Variants in GALNTL5 observed in about 807,000 individuals in gnomAD.
The protein encoded by GALNTL5 is polypeptide N-acetylgalactosaminyltransferase like 5.
A neutral mutation model predicts 51.0 loss-of-function variants in GALNTL5; 44 were observed. That is an observed-to-expected ratio of 0.86 (90% CI 0.68 to 1.11). The LOEUF (loss-of-function observed/expected upper bound fraction) is 1.11. Ranked by LOEUF, GALNTL5 falls within the 50% of genes least tolerant of loss-of-function variation. GALNTL5 has a pLI of 0.00. For missense variants in GALNTL5, 528 were observed against 531.8 expected (o/e 0.99, Z 0.07); for synonymous variants, 192 against 182.8 (o/e 1.05, Z -0.41).
At chr7:152,010,636 T>C (rs1207718219) in intron 7 of GALNTL5, among the ~76,000 whole-genome samples, 5 of 151,844 alleles carry the variant, frequency 3.3e-5, no homozygotes, top group Non-Finnish European at 7.4e-5. Context: ...GGCATGGTGG[T>C]ACACGTCTGT....
chr7:151,996,141 C>A (rs937589565), intron 5 of GALNTL5, among the ~76,000 whole-genome samples: 3 of 152,160 alleles, frequency 2.0e-5, no homozygotes, highest in Admixed American at 1.3e-4. Context: ...TGGTCATACG[C>A]TTAAGCACAG....
At chr7:151,975,065 C>CT (rs895155347) in intron 3 of GALNTL5, among the ~76,000 whole-genome samples, 8 of 152,028 alleles carry the variant, frequency 5.3e-5, no homozygotes, top group Non-Finnish European at 1.0e-4. Flanking sequence ...CTTTCCCTTA[C>CT]TTTTTTTAAA....
chr7:152,017,671 G>A (rs1159742443), intron 8 of GALNTL5, among the ~76,000 whole-genome samples: 3 of 152,124 alleles, frequency 2.0e-5, no homozygotes, highest in East Asian at 3.9e-4. Flanking sequence ...AAAAGCAGGG[G>A]GCTTTCAAAT....
chr7:152,009,804 G>C (rs1207930558), intron 7 of GALNTL5, among the ~76,000 whole-genome samples: 2 of 152,178 alleles, frequency 1.3e-5, no homozygotes, highest in Non-Finnish European at 1.5e-5. Flanking sequence ...CCGAGGGTCT[G>C]TGCCACACCC....
chr7:151,974,661 A>G (rs945837003), intron 3 of GALNTL5, among the ~76,000 whole-genome samples: 2 of 152,180 alleles, frequency 1.3e-5, no homozygotes, highest in East Asian at 1.9e-4. Flanking sequence ...ATTAACATAG[A>G]GAACAATATT....
intron 5 of GALNTL5, among the ~76,000 whole-genome samples, chr7:151,997,779 A>C (rs2081518819): frequency 6.6e-6 from 1 of 152,220 alleles, no homozygotes; most frequent in East Asian, 1.9e-4. Flanking sequence ...AAAGACTTTT[A>C]AAATGTTTTT....
chr7:151,990,977 A>G (rs945476455), intron 5 of GALNTL5, among the ~76,000 whole-genome samples: 2 of 152,198 alleles, frequency 1.3e-5, no homozygotes, highest in Non-Finnish European at 2.9e-5. Context: ...TAGCTTTAAC[A>G]TAATAAAAAA....
At position 152,019,797 on chromosome 7, in the gene GALNTL5, T is replaced by G. The variant is rs766512045; in HGVS notation, c.1328T>G (p.Leu443Arg). 3.7e-6 allele frequency: 6 copies of G among 1,606,334 alleles called. No individual in the cohort carries two copies. The African/African-American group carries it at 6.7e-5, about 18-fold the overall frequency. The change falls in exon 9 of 9, where the codon CTG becomes CGG. Residue 443 changes from leucine (L) to arginine (R), a missense_variant. Leu to Arg is a moderately radical substitution (Grantham distance 102). Transcript: ENST00000392800. ...GAGTTGGAGGCATCTGTGAACAGCC[T>G]GTGAAAGGAAAACAAATCACTTTCA... ...FPELEASVNS[L>R]
intron 4 of GALNTL5, among the ~76,000 whole-genome samples, 157 bp from the exon 5 acceptor site, chr7:151,987,002 C>T (rs1054309016): frequency 6.6e-6 from 1 of 152,166 alleles, no homozygotes; most frequent in Non-Finnish European, 1.5e-5. Flanking sequence ...GCTGGGATTA[C>T]AGGCATGAGA....
intron 1 of GALNTL5, among the ~76,000 whole-genome samples, chr7:151,961,637 A>T (rs2080992724): frequency 6.6e-6 from 1 of 152,142 alleles, no homozygotes; most frequent in Non-Finnish European, 1.5e-5. Flanking sequence ...GAAGGAGGAC[A>T]GACGCTGACG....
intron 3 of GALNTL5, among the ~76,000 whole-genome samples, chr7:151,973,441 G>A (rs1056202445): frequency 6.6e-6 from 1 of 151,712 alleles, no homozygotes; most frequent in Non-Finnish European, 1.5e-5. Flanking sequence ...CTCCAGCCTG[G>A]GTGACAGAGC....
chr7:152,011,576 C>A (rs1344004305), intron 7 of GALNTL5, among the ~76,000 whole-genome samples: 1 of 152,224 alleles, frequency 6.6e-6, no homozygotes, highest in African/African-American at 2.4e-5. Context: ...CTGCCTCTCC[C>A]CCATGCTGAA....
intron 8 of GALNTL5, among the ~76,000 whole-genome samples, chr7:152,016,828 A>G (rs2081821506): frequency 6.6e-6 from 1 of 152,110 alleles, no homozygotes; most frequent in African/African-American, 2.4e-5. Flanking sequence ...TGAGGCCAGG[A>G]GTTCAAGACC....
At chr7:152,018,574 G>A (rs140150262) in intron 8 of GALNTL5, among the ~76,000 whole-genome samples, 226 of 152,224 alleles carry the variant, frequency 1.5e-3, no homozygotes, top group African/African-American at 5.0e-3. Context: ...GGGATATGAC[G>A]TGTTAAGTAT....
chr7:151,970,222 G>T (rs2081118017), intron 2 of GALNTL5, among the ~76,000 whole-genome samples: 2 of 145,666 alleles, frequency 1.4e-5, no homozygotes, highest in Admixed American at 6.8e-5. Flanking sequence ...GGTGGGGGTG[G>T]GCTCAGTACA....
chr7:151,990,474 G>C (rs568800193), intron 5 of GALNTL5, among the ~76,000 whole-genome samples: 228 of 148,198 alleles, frequency 1.5e-3, no homozygotes, highest in Non-Finnish European at 2.6e-3. Flanking sequence ...CCAGCTACTC[G>C]GGAGGCTGAG....
intron 8 of GALNTL5, among the ~76,000 whole-genome samples, chr7:152,016,171 G>A (rs556654631): frequency 2.0e-5 from 3 of 152,222 alleles, no homozygotes; most frequent in South Asian, 2.1e-4. Context: ...TTGGGAGGCC[G>A]AGGCAGGCAG....
chr7:151,981,643 T>C (rs2081292069), intron 3 of GALNTL5, among the ~76,000 whole-genome samples: 1 of 140,454 alleles, frequency 7.1e-6, no homozygotes, highest in Non-Finnish European at 1.5e-5. Flanking sequence ...CCTTTCTCTC[T>C]CTCTCTCTCC....
chr7:151,961,862 C>T (rs55751737), intron 1 of GALNTL5, among the ~76,000 whole-genome samples: 20,815 of 151,978 alleles, frequency 0.14, 1,807 homozygotes, highest in Admixed American at 0.21. Context: ...CAGTGTAATG[C>T]ATACATATAA....
Sources: gnomAD v4.1 joint callset for allele counts (sites outside exome capture counted in the v4.1 genomes callset) on GRCh38, gnomAD v4.1.1 for gene constraint, MANE v1.5 for transcripts, NCBI Gene and HGNC (gene_info 2026-07-23, HGNC 2026-07-21) for gene names.